The following PIGA variants were observed in gnomAD, a reference collection of about 807,000 sequenced individuals.
PIGA encodes phosphatidylinositol glycan anchor biosynthesis class A, also known as phosphatidylinositol N-acetylglucosaminyltransferase subunit A.
In PIGA, 3 loss-of-function variants were observed where a neutral mutation model predicts 17.1. The ratio of observed to expected loss-of-function variants is 0.18; its 90% CI spans 0.08 to 0.45. PIGA has a LOEUF of 0.45. Among genes scored for constraint, PIGA ranks in the 20% least tolerant of loss-of-function variants. PIGA has a pLI of 0.99. For synonymous variants in PIGA, 126 were observed against 135.1 expected, an observed-to-expected ratio of 0.93 and a Z score of 0.47; for missense variants, 231 against 374.1, an observed-to-expected ratio of 0.62 and a Z score of 3.16.
Position 15,331,412 on chromosome X carries a change from C to G in PIGA, c.519G>C (p.Val173=). 1 of 1,210,796 alleles carries G rather than the reference C, an allele frequency of 8.3e-7. No individual in the cohort carries two copies. The highest frequency in any genetic ancestry group is 1.1e-6 in the Non-Finnish European group (1 of 894,577). ...SSVLTNKLLT[V]SLCDTNHIIC... ...TGATGTGGTTTGTATCACAAAGAGACACGGTTAGAAGCTTGTTTGTAAGCA... is the reference window on the plus strand; with the variant it reads ...TGATGTGGTTTGTATCACAAAGAGAGACGGTTAGAAGCTTGTTTGTAAGCA... Residue 173 remains valine, a synonymous_variant, in exon 2 of 6, where the codon GTG becomes GTC. Coordinates refer to ENST00000333590, the MANE Select transcript of PIGA (RefSeq NM_002641.4).
Position 15,334,691 on chromosome X carries a change from CAGTG to C in PIGA, c.-63+806_-63+809del, listed in dbSNP as rs1017884191. Among the ~76,000 whole-genome samples, 102 of 112,143 alleles carry C rather than the reference CAGTG, an allele frequency of 9.1e-4. 1 individual carries two copies. The highest frequency in any genetic ancestry group is 9.1e-3 in the Middle Eastern group (2 of 219). On this transcript the variant is annotated intron_variant, in intron 1 of 5. Coordinates refer to ENST00000333590, the MANE Select transcript of PIGA (RefSeq NM_002641.4). ...TTTAAAAGATGAACGATAGCAAAAA[CAGTG>C]AGTAATGAACCAAATGATATCATTT...
rs1921768957 is a variant in PIGA at position 15,320,463 on chromosome X, C to A, written c.*1043G>T. 1 of 112,458 alleles carries A rather than the reference C, an allele frequency of 8.9e-6. No homozygotes were observed. The highest frequency in any genetic ancestry group is 4.6e-3 in the Middle Eastern group (1 of 216). The allele number at this position is 112,458 out of a possible 1,213,427, so 9.3% of individuals were successfully genotyped here. Reference sequence around the variant, plus strand: ...AACCATTCTGAAGTAAAGCCTTTTGCACACTGACAATACTTATCAGACATC... The same window carrying A: ...AACCATTCTGAAGTAAAGCCTTTTGAACACTGACAATACTTATCAGACATC... On this transcript the variant is annotated 3_prime_UTR_variant, in exon 6 of 6. Transcript: ENST00000333590.
intron 3 of PIGA, 93 bp from the exon 4 acceptor site, chrX:15,325,245 C>T (rs1330604955): frequency 1.3e-6 from 1 of 790,865 alleles, no homozygotes; most frequent in East Asian, 3.5e-5. Context: ...TTATATTACA[C>T]TTAAATTCTT....
At position 15,331,414 on chromosome X, in the gene PIGA, C is replaced by T. The variant is rs752395232; in HGVS notation, c.517G>A (p.Val173Met). ...SSVLTNKLLT[V>M]SLCDTNHIIC... The stretch of plus-strand genomic sequence containing the variant: ...ATGTGGTTTGTATCACAAAGAGACA[C>T]GGTTAGAAGCTTGTTTGTAAGCACC... The change falls in exon 2 of 6, where the codon GTG becomes ATG. Residue 173 changes from valine to methionine, a missense_variant. Val to Met is a conservative substitution (Grantham distance 21, BLOSUM62 1). Transcript: ENST00000333590. The T allele has an allele frequency of 4.6e-5, 55 of 1,208,778 alleles. No homozygotes were observed. Among genetic ancestry groups the T allele is most frequent in the Non-Finnish European group, 6.0e-5 (54 of 893,952 alleles).
chrX:15,328,233 T>C (rs1044949401), intron 2 of PIGA: 9 of 112,265 alleles, frequency 8.0e-5, no homozygotes, highest in Admixed American at 7.5e-4. Context: ...TCTCTGAGAC[T>C]CAATTTCATG....
chrX:15,335,227 A>G (rs986298080), intron 1 of PIGA: 3 of 290,447 alleles, frequency 1.0e-5, no homozygotes, highest in Non-Finnish European at 1.2e-5. Context: ...AAAGAGAGAA[A>G]GAAAACAACC....
At position 15,330,612 on chromosome X, in the gene PIGA, T is replaced by A. The variant is rs764915161; in HGVS notation, c.715+604A>T. On this transcript the variant is annotated intron_variant, in intron 2 of 5. Coordinates refer to ENST00000333590, the MANE Select transcript of PIGA (RefSeq NM_002641.4). ...GAGCTCTGCCCTTTACTTCTTTTTT[T>A]TTTCTTTAGAGACGGAGTCTCGTTA... 1.3e-4 allele frequency among the ~76,000 whole-genome samples: 15 copies of A among 112,020 alleles called. No homozygotes were observed. The South Asian group carries it at 5.6e-3, about 42-fold the overall frequency.
At chrX:15,330,361 A>C (rs1426845022) in intron 2 of PIGA, among the ~76,000 whole-genome samples, 1 of 112,194 alleles carries the variant, frequency 8.9e-6, no homozygotes, top group Non-Finnish European at 1.9e-5. Flanking sequence ...AAATGAAACA[A>C]GCAAGCTACA....
chrX:15,322,332 T>C (rs1055846369), intron 5 of PIGA, among the ~76,000 whole-genome samples: 142 of 111,856 alleles, frequency 1.3e-3, no homozygotes, highest in Non-Finnish European at 1.7e-3. Context: ...TTGCTGAGCA[T>C]GGATGGTGAG....
intron 3 of PIGA, 146 bp from the exon 4 acceptor site, chrX:15,325,298 C>T: frequency 2.1e-6 from 1 of 470,849 alleles, no homozygotes; most frequent in East Asian, 4.1e-5. Context: ...TATCACCAAA[C>T]ACTGATCTAA....
chrX:15,334,630 G>A (rs756641878), intron 1 of PIGA, among the ~76,000 whole-genome samples: 1 of 111,820 alleles, frequency 8.9e-6, no homozygotes, highest in African/African-American at 3.3e-5. Context: ...TTTTCTTACT[G>A]TGGTCACCTA....
At chrX:15,333,629 C>T (rs1237362066) in intron 1 of PIGA, among the ~76,000 whole-genome samples, 2 of 112,063 alleles carry the variant, frequency 1.8e-5, no homozygotes, top group Non-Finnish European at 3.8e-5. Context: ...TGCAGTGAGC[C>T]GAGATCGCGC....
At position 15,326,012 on chromosome X, in the gene PIGA, G is replaced by C. The variant is rs1457346227; in HGVS notation, c.750C>G (p.Leu250=). The stretch of plus-strand genomic sequence containing the variant: ...AATTTAAATCTGGATATTTCTGACA[G>C]AGTTCAGGTATTATACCACTAAGCA... ...IDLLSGIIPE[L]CQKYPDLNFI... Residue 250 remains leucine (L), a synonymous_variant, in exon 3 of 6, where the codon CTC becomes CTG. Transcript: ENST00000333590. 3 of 1,164,065 alleles carry C rather than the reference G, an allele frequency of 2.6e-6. No individual in the cohort carries two copies. The highest frequency in any genetic ancestry group is 3.5e-6 in the Non-Finnish European group (3 of 853,918).
At chrX:15,321,814 C>T in intron 5 of PIGA, 42 bp from the exon 6 acceptor site, 1 of 1,129,522 alleles carries the variant, frequency 8.9e-7, no homozygotes, top group South Asian at 1.9e-5. Context: ...TCACCCATCA[C>T]CCCATCACCT....
chrX:15,333,868 G>A (rs1299834364), intron 1 of PIGA, among the ~76,000 whole-genome samples: 2 of 111,909 alleles, frequency 1.8e-5, no homozygotes, highest in African/African-American at 6.5e-5. Context: ...CTGTATCTGG[G>A]ACCATTTTCT....
At chrX:15,334,997 T>C (rs1176991015) in intron 1 of PIGA, among the ~76,000 whole-genome samples, 1 of 112,030 alleles carries the variant, frequency 8.9e-6, no homozygotes. Flanking sequence ...CAACGAGCCC[T>C]GGGCAATCAT....
At chrX:15,331,171 T>C in intron 2 of PIGA, 45 bp downstream of exon 2, 2 of 949,234 alleles carry the variant, frequency 2.1e-6, no homozygotes, top group Non-Finnish European at 2.9e-6. Context: ...CAGCTTTCTA[T>C]AGGGAAAAAA....
intron 1 of PIGA, 70 bp from the exon 2 acceptor site, chrX:15,332,062 A>G: frequency 1.4e-6 from 1 of 699,628 alleles, no homozygotes; most frequent in Non-Finnish European, 2.0e-6. Context: ...CCAGATATAG[A>G]TATTGTTTTA....
chrX:15,320,815 G>A lies in PIGA; in HGVS notation c.*691C>T, dbSNP rs1313909072. On this transcript the variant is annotated 3_prime_UTR_variant, in exon 6 of 6. Coordinates refer to ENST00000333590, the MANE Select transcript of PIGA (RefSeq NM_002641.4). ...CTGGCATGAGCATTTTTGGCATGTT[G>A]GATATTGATCTCATATCAACCACAA... 1 of 111,462 alleles carries A rather than the reference G, an allele frequency of 9.0e-6. No individual in the cohort carries two copies. Among genetic ancestry groups the A allele is most frequent in the Non-Finnish European group, 1.9e-5 (1 of 53,070 alleles). The allele number at this position is 111,462 out of a possible 1,213,427, so 9.2% of individuals were successfully genotyped here.
Sources: gnomAD v4.1 joint callset for allele counts (sites outside exome capture counted in the v4.1 genomes callset) on GRCh38, gnomAD v4.1.1 for gene constraint, MANE v1.5 for transcripts, NCBI Gene and HGNC (gene_info 2026-07-23, HGNC 2026-07-21) for gene names.